Variants in KSR1 observed in about 807,000 individuals in gnomAD.
KSR1 encodes the protein kinase suppressor of ras.
Under a neutral mutation model 92.9 loss-of-function variants are expected in KSR1, and 35 were observed. That is an observed-to-expected ratio of 0.38 (90% CI 0.29 to 0.50). KSR1 has a LOEUF of 0.50. KSR1 is among the 20% of genes least tolerant of loss of function. KSR1 has a pLI of 0.94. For missense variants in KSR1, 972 were observed against 1,158.5 expected, an observed-to-expected ratio of 0.84 and a Z score of 2.34; for synonymous variants, 467 against 472.6, an observed-to-expected ratio of 0.99 and a Z score of 0.15.
At position 27,624,779 on chromosome 17, in the gene KSR1, G is replaced by T. The variant is rs955652460; in HGVS notation, c.*1387G>T. On this transcript the variant is annotated 3_prime_UTR_variant, in exon 21 of 21. Transcript: ENST00000644974. ...CATGCTCTGAGCTCAGACTTGGGGAGGGAGGGGTGTGGCTCCCACCCCTTC... is the reference window on the plus strand; with the variant it reads ...CATGCTCTGAGCTCAGACTTGGGGATGGAGGGGTGTGGCTCCCACCCCTTC... 6.6e-6 allele frequency: 1 copy of T among 152,200 alleles called. No homozygotes were observed. The highest frequency in any genetic ancestry group is 2.4e-5 in the African/African-American group (1 of 41,438). 9.4% of individuals were successfully genotyped at this position (152,200 alleles called of 1,614,324 possible). A position where few individuals can be genotyped will look rare whatever the true frequency, so the allele number is the denominator to read the frequency against.
At chr17:27,470,799 AT>A (rs1302006740) in intron 1 of KSR1, among the ~76,000 whole-genome samples, 2 of 150,688 alleles carry the variant, frequency 1.3e-5, no homozygotes, top group Non-Finnish European at 3.0e-5. Context: ...TATTCTCCCC[AT>A]TTTTTGACCT....
chr17:27,621,869 C>T (rs781048918), intron 20 of KSR1: 106 of 1,582,338 alleles, frequency 6.7e-5, no homozygotes, highest in Non-Finnish European at 8.6e-5. Context: ...TCCCGACAGG[C>T]TCTGCATTGG....
At chr17:27,583,200 A>G in intron 4 of KSR1, 95 bp downstream of exon 4, 2 of 846,106 alleles carry the variant, frequency 2.4e-6, no homozygotes, top group Non-Finnish European at 3.6e-6. Flanking sequence ...ACCCCTATAG[A>G]CGTGTGTAAA....
At chr17:27,540,751 G>C (rs1397289629) in intron 1 of KSR1, among the ~76,000 whole-genome samples, 1 of 152,268 alleles carries the variant, frequency 6.6e-6, no homozygotes, top group Non-Finnish European at 1.5e-5. Context: ...GGCAGTGCTG[G>C]GAGCCAAGGG....
chr17:27,539,768 G>A (rs1330393946), intron 1 of KSR1, among the ~76,000 whole-genome samples: 1 of 152,188 alleles, frequency 6.6e-6, no homozygotes, highest in Non-Finnish European at 1.5e-5. Context: ...AGATATTGGG[G>A]GGTTACATCA....
At chr17:27,621,841 T>A (rs979445258) in intron 20 of KSR1, 2 of 1,356,076 alleles carry the variant, frequency 1.5e-6, no homozygotes, top group South Asian at 2.3e-5. Context: ...GCCCAGCTGC[T>A]CTGGCCAGAC....
chr17:27,569,419 C>T (rs2072217952), intron 2 of KSR1, among the ~76,000 whole-genome samples: 2 of 152,188 alleles, frequency 1.3e-5, no homozygotes, highest in Non-Finnish European at 2.9e-5. Flanking sequence ...TGACTGTGTG[C>T]TGGGGGTTAG....
At chr17:27,550,445 G>C (rs372896922) in intron 1 of KSR1, 123 bp from the exon 2 acceptor site, 3 of 690,322 alleles carry the variant, frequency 4.3e-6, no homozygotes, top group Non-Finnish European at 8.0e-6. Flanking sequence ...GCAGAGAGGA[G>C]AGCCAGCCCC....
At chr17:27,477,339 A>T (rs184262971) in intron 1 of KSR1, among the ~76,000 whole-genome samples, 1 of 152,270 alleles carries the variant, frequency 6.6e-6, no homozygotes, top group African/African-American at 2.4e-5. Context: ...CCTGTTTAAG[A>T]CGGAGTTGCT....
intron 1 of KSR1, among the ~76,000 whole-genome samples, chr17:27,485,140 G>A (rs909021579): frequency 1.3e-4 from 20 of 152,148 alleles, no homozygotes; most frequent in African/African-American, 3.6e-4. Context: ...ACCAGCTCTC[G>A]GGCCATGGCT....
chr17:27,482,895 A>T (rs1726715091), intron 1 of KSR1, among the ~76,000 whole-genome samples: 1 of 133,136 alleles, frequency 7.5e-6, no homozygotes, highest in South Asian at 2.7e-4. Context: ...TTTCTTTCCC[A>T]ATTTTTCAAT....
chr17:27,531,016 A>T (rs896876412), intron 1 of KSR1, among the ~76,000 whole-genome samples: 12 of 152,164 alleles, frequency 7.9e-5, no homozygotes, highest in African/African-American at 2.7e-4. Context: ...GGTTGTTTGC[A>T]CTGTGTCCCT....
chr17:27,457,249 C>G lies in KSR1; in HGVS notation c.231+375C>G, dbSNP rs182420149. On this transcript the variant is annotated intron_variant, in intron 1 of 20. Transcript: ENST00000644974. ...TCCCCGTGTGACTGAGCCGAGCACC[C>G]GTGGGCCAGGGTGACGGAGGAGGTT... Among the ~76,000 whole-genome samples, 81 of 152,294 alleles carry G rather than the reference C, an allele frequency of 5.3e-4. 2 individuals are homozygous for G. The East Asian group carries it at 0.013, about 25-fold the overall frequency.
intron 18 of KSR1, among the ~76,000 whole-genome samples, chr17:27,615,319 T>C (rs2074027827): frequency 6.6e-6 from 1 of 152,240 alleles, no homozygotes. Flanking sequence ...ACTACTATAG[T>C]AGACTGTAAG....
intron 9 of KSR1, among the ~76,000 whole-genome samples, chr17:27,593,666 CCT>C (rs1469546075): frequency 6.6e-6 from 1 of 151,130 alleles, no homozygotes; most frequent in East Asian, 1.9e-4. Context: ...CTCTCTCCTG[CCT>C]CTCGTTTCCC....
At chr17:27,530,318 GGCAGTGGTCC>G (rs1451301630) in intron 1 of KSR1, among the ~76,000 whole-genome samples, 1 of 152,148 alleles carries the variant, frequency 6.6e-6, no homozygotes. Flanking sequence ...AGTTGTGTGT[GGCAGTGGTCC>G]CGGGTACTCA....
intron 2 of KSR1, among the ~76,000 whole-genome samples, chr17:27,558,565 A>G (rs1399627078): frequency 6.6e-6 from 1 of 152,140 alleles, no homozygotes; most frequent in Admixed American, 6.5e-5. Context: ...CCCAGCTGTA[A>G]CGCCTGGCAC....
At chr17:27,557,125 G>A (rs893976431) in intron 2 of KSR1, among the ~76,000 whole-genome samples, 4 of 152,194 alleles carry the variant, frequency 2.6e-5, no homozygotes, top group Non-Finnish European at 5.9e-5. Flanking sequence ...CTGGCCCAGG[G>A]GGTGGGGATA....
intron 2 of KSR1, among the ~76,000 whole-genome samples, chr17:27,553,659 A>G (rs1425115663): frequency 6.6e-6 from 1 of 152,200 alleles, no homozygotes; most frequent in East Asian, 1.9e-4. Flanking sequence ...CTGTCATTCC[A>G]TCTTCCCCAG....
Sources: gnomAD v4.1 joint callset for allele counts (sites outside exome capture counted in the v4.1 genomes callset) on GRCh38, gnomAD v4.1.1 for gene constraint, MANE v1.5 for transcripts, NCBI Gene and HGNC (gene_info 2026-07-23, HGNC 2026-07-21) for gene names.